Variants in CCDC9 observed in about 807,000 individuals in gnomAD.
CCDC9 encodes coiled-coil domain-containing protein 9.
Under a neutral mutation model 65.6 loss-of-function variants are expected in CCDC9, and 52 were observed. The ratio of observed to expected loss-of-function variants is 0.79; its 90% confidence interval spans 0.63 to 1.00. The LOEUF is 1.00. Ranked by LOEUF, CCDC9 falls within the 50% of genes least tolerant of loss-of-function variation. The probability of loss-of-function intolerance (pLI) is 0.00; values close to 1 mark genes in which losing one functional copy is unlikely to be tolerated. For synonymous variants in CCDC9, 332 were observed against 280.3 expected, an observed-to-expected ratio of 1.18 and a Z score of -1.84; for missense variants, 834 against 757.2, an observed-to-expected ratio of 1.10 and a Z score of -1.19.
Position 47,258,582 on chromosome 19 carries a change from A to G in CCDC9, c.27A>G (p.Ser9=), listed in dbSNP as rs1227642383. The change falls in exon 3 of 12, where the codon TCA becomes TCG. Residue 9 remains serine (S), a synonymous_variant. Coordinates refer to ENST00000221922, the MANE Select transcript of CCDC9 (RefSeq NM_015603.3). Reference sequence around the variant, plus strand: ...AGGCAGCCACACTCGATTTGAAATCAAAGGAGGAGAAGGATGCTGAGTTGG... The same window carrying G: ...AGGCAGCCACACTCGATTTGAAATCGAAGGAGGAGAAGGATGCTGAGTTGG... MAATLDLK[S]KEEKDAELDK... 2 of 1,614,102 alleles carry G rather than the reference A, an allele frequency of 1.2e-6. No individual in the cohort carries two copies. The highest frequency in any genetic ancestry group is 1.1e-5 in the South Asian group (1 of 91,086).
rs750554274 is a variant in CCDC9, at chr19:47,270,433, A to G, written c.929A>G (p.His310Arg). 1.5e-5 allele frequency: 24 copies of G among 1,613,920 alleles called. No individual in the cohort carries two copies. The highest frequency in any genetic ancestry group is 3.3e-4 in the Middle Eastern group (2 of 6,084). Residue 310 changes from histidine (H) to arginine (R), a missense_variant, in exon 9 of 12, where the codon CAT becomes CGT. Physicochemically the swap from His to Arg is conservative, Grantham distance 29. Transcript: ENST00000221922. ...GMFKDGPVPAHEPSHRYDDQA... is the reference protein window; with the variant it reads ...GMFKDGPVPAREPSHRYDDQA... ...TTCAAGGATGGCCCAGTCCCTGCCCATGAACCATCCCACCGCTATGGTGAG... is the reference window on the plus strand; with the variant it reads ...TTCAAGGATGGCCCAGTCCCTGCCCGTGAACCATCCCACCGCTATGGTGAG...
At position 47,258,406 on chromosome 19, in the gene CCDC9, G is replaced by A; in HGVS notation, c.3+3G>A. Reference sequence around the variant, plus strand: ...GGCTCCACGCAGCCAGCGAAATGGTGAGGCTGAAAAATGGGGTCTCTAGAA... The same window carrying A: ...GGCTCCACGCAGCCAGCGAAATGGTAAGGCTGAAAAATGGGGTCTCTAGAA... On this transcript the variant is annotated splice_donor_region_variant and intron_variant, in intron 2 of 11. Transcript: ENST00000221922. 6.2e-7 allele frequency: 1 copy of A among 1,614,048 alleles called. No individual in the cohort carries two copies. Among genetic ancestry groups the A allele is most frequent in the South Asian group, 1.1e-5 (1 of 91,086 alleles).
downstream of CCDC9, chr19:47,273,935 T>C (rs2123493905): frequency 1.0e-6 from 1 of 981,056 alleles, no homozygotes; most frequent in East Asian, 1.1e-4. Context: ...CCTCCACCCT[T>C]CTGATCCGTC....
At position 47,270,542 on chromosome 19, in the gene CCDC9, T is replaced by G; in HGVS notation, c.950-11T>G. On this transcript the variant is annotated splice_polypyrimidine_tract_variant and intron_variant, in intron 9 of 11. Coordinates refer to ENST00000221922, the MANE Select transcript of CCDC9 (RefSeq NM_015603.3). ...CCTTCCCTTCCCAATGACACCTGGG[T>G]TCTGTTGCAGATGACCAGGCCTGGG... 1 of 1,613,980 alleles carries G rather than the reference T, an allele frequency of 6.2e-7. No individual in the cohort carries two copies. The highest frequency in any genetic ancestry group is 8.5e-7 in the Non-Finnish European group (1 of 1,179,968).
At chr19:47,265,064 C>CTTTTT in intron 7 of CCDC9, 118 bp downstream of exon 7, 1 of 690,824 alleles carries the variant, frequency 1.4e-6, no homozygotes, top group Non-Finnish European at 2.0e-6. Flanking sequence ...CAGCACAGGA[C>CTTTTT]TTTTTTTTTT....
intron 7 of CCDC9, chr19:47,266,387 C>G: frequency 1.9e-6 from 1 of 527,800 alleles, no homozygotes; most frequent in Middle Eastern, 5.0e-4. Context: ...TGAGGTCCTA[C>G]CAAGTGTTGT....
chr19:47,256,778 T>A (rs988728664), intron 1 of CCDC9, among the ~76,000 whole-genome samples, 169 bp downstream of exon 1: 1 of 3,798 alleles, frequency 2.6e-4, no homozygotes, highest in Non-Finnish European at 5.6e-4. Context: ...GGCCGTTGGG[T>A]GGGTGGGCAG....
chr19:47,272,789 C>T (rs931377587), downstream of CCDC9, among the ~76,000 whole-genome samples: 2 of 152,152 alleles, frequency 1.3e-5, no homozygotes, highest in African/African-American at 4.8e-5. Flanking sequence ...TTAGAATAGA[C>T]ATGCGTACCC....
chr19:47,273,747 A>T (rs930147677), downstream of CCDC9: 25 of 342,848 alleles, frequency 7.3e-5, no homozygotes, highest in Non-Finnish European at 1.3e-4. Flanking sequence ...CCAGGATTGC[A>T]TCCGAGGCCT....
chr19:47,274,124 C>A, downstream of CCDC9: 1 of 369,132 alleles, frequency 2.7e-6, no homozygotes, highest in Non-Finnish European at 3.8e-6. Context: ...GAGGGAAAAG[C>A]TGACCGTTGG....
chr19:47,275,370 G>A (rs1287177042), downstream of CCDC9: 3 of 1,531,356 alleles, frequency 2.0e-6, no homozygotes, highest in Non-Finnish European at 1.8e-6. Context: ...ACCCCAACCC[G>A]GATCGCCAGC....
downstream of CCDC9, among the ~76,000 whole-genome samples, chr19:47,272,958 G>C (rs2059132665): frequency 6.6e-6 from 1 of 151,688 alleles, no homozygotes; most frequent in Non-Finnish European, 1.5e-5. Flanking sequence ...GGTTAGAATA[G>C]CAGGCGTTGG....
At chr19:47,258,778 G>A (rs1048824660) in intron 3 of CCDC9, 115 bp downstream of exon 3, 2 of 735,392 alleles carry the variant, frequency 2.7e-6, no homozygotes, top group Non-Finnish European at 4.8e-6. Flanking sequence ...CAGGATAAAG[G>A]CCAAAGGCCT....
intron 8 of CCDC9, among the ~76,000 whole-genome samples, chr19:47,269,618 G>A (rs751606855): frequency 3.9e-5 from 6 of 152,164 alleles, no homozygotes; most frequent in Admixed American, 1.3e-4. Context: ...GATTACAGGC[G>A]TGAGCCACCG....
downstream of CCDC9, chr19:47,272,248 T>A (rs1349494967): frequency 4.6e-6 from 4 of 871,512 alleles, no homozygotes; most frequent in Non-Finnish European, 6.0e-6. Context: ...GGGAGTGGGG[T>A]GAATGTGTGT....
chr19:47,270,449 C>T lies in CCDC9; in HGVS notation c.945C>T (p.Arg315=), dbSNP rs2059108937. 6.2e-7 allele frequency: 1 copy of T among 1,614,192 alleles called. No homozygotes were observed. The highest frequency in any genetic ancestry group is 1.7e-5 in the Admixed American group (1 of 60,020). The change falls in exon 9 of 12, where the codon CGC becomes CGT. Residue 315 remains arginine, a synonymous_variant. Transcript: ENST00000221922. ...TCCCTGCCCATGAACCATCCCACCG[C>T]TATGGTGAGTGGGTGCCCTTGGATG... ...GPVPAHEPSH[R]YDDQAWARPP...
downstream of CCDC9, chr19:47,274,707 G>A (rs1299513148): frequency 4.1e-6 from 1 of 240,982 alleles, no homozygotes; most frequent in Non-Finnish European, 7.0e-6. Context: ...GGGGGGCGGG[G>A]TAGCACCTCC....
downstream of CCDC9, chr19:47,275,300 G>T: frequency 6.5e-7 from 1 of 1,546,160 alleles, no homozygotes; most frequent in Non-Finnish European, 8.7e-7. Flanking sequence ...CGAGCCGCCA[G>T]ACACCCAGAG....
intron 1 of CCDC9, among the ~76,000 whole-genome samples, chr19:47,257,169 C>T (rs993304307): frequency 6.6e-6 from 1 of 150,598 alleles, no homozygotes; most frequent in Non-Finnish European, 1.5e-5. Context: ...TGAGCCAGAA[C>T]CCTGGGGAAG....
Sources: gnomAD v4.1 joint callset for allele counts (sites outside exome capture counted in the v4.1 genomes callset) on GRCh38, gnomAD v4.1.1 for gene constraint, MANE v1.5 for transcripts, NCBI Gene and HGNC (gene_info 2026-07-23, HGNC 2026-07-21) for gene names.